The following MAGED1 variants were observed in gnomAD, a reference collection of about 807,000 sequenced individuals.
MAGED1 encodes melanoma-associated antigen D1.
A neutral mutation model predicts 54.1 loss-of-function variants in MAGED1; 3 were observed. The observed-to-expected ratio is 0.06, with a 90% CI of 0.03 to 0.14. MAGED1 has a LOEUF of 0.14. Among genes scored for constraint, MAGED1 ranks in the 10% least tolerant of loss-of-function variants. MAGED1 has a pLI of 1.00. For synonymous variants in MAGED1, 217 were observed against 227.3 expected, an observed-to-expected ratio of 0.95 and a Z score of 0.41; for missense variants, 485 against 623.4, an observed-to-expected ratio of 0.78 and a Z score of 2.36.
chrX:51,881,677 A>G (rs1928062383), intron 1 of MAGED1, among the ~76,000 whole-genome samples: 1 of 110,574 alleles, frequency 9.0e-6, no homozygotes, highest in Non-Finnish European at 1.9e-5. Context: ...TCAGCCTCCC[A>G]AAGTGCTGGG....
At chrX:51,822,415 C>A (rs1202097187) in intron 1 of MAGED1, among the ~76,000 whole-genome samples, 3 of 110,333 alleles carry the variant, frequency 2.7e-5, no homozygotes, top group Non-Finnish European at 3.8e-5. Context: ...GTCTTCTATC[C>A]TTTTTCTTGT....
chrX:51,897,406 C>T lies in MAGED1; in HGVS notation c.1486+135C>T, dbSNP rs1204424691. 4 of 725,290 alleles carry T rather than the reference C, an allele frequency of 5.5e-6. No homozygotes were observed. The Admixed American group carries it at 1.0e-4, about 19-fold the overall frequency. The allele number at this position is 725,290 out of a possible 1,213,427, so 59.8% of individuals were successfully genotyped here. On this transcript the variant is annotated intron_variant, in intron 5 of 12. Coordinates refer to ENST00000326587, the MANE Select transcript of MAGED1 (RefSeq NM_006986.4). ...GCATTCTTCTGCTTGTATGACCCTT[C>T]CCCTTCTATCCCCTCCTTTCCATGG...
At chrX:51,853,843 T>A (rs1557359977) in intron 1 of MAGED1, among the ~76,000 whole-genome samples, 2 of 112,402 alleles carry the variant, frequency 1.8e-5, no homozygotes, top group African/African-American at 6.5e-5. Context: ...TTCTTTGAGA[T>A]TAGATTTAGG....
intron 1 of MAGED1, among the ~76,000 whole-genome samples, chrX:51,842,168 G>A (rs1926517992): frequency 8.9e-6 from 1 of 112,001 alleles, no homozygotes; most frequent in Non-Finnish European, 1.9e-5. Flanking sequence ...ATTCATGGAG[G>A]AGCAAATAAA....
At chrX:51,866,280 ACTT>A (rs2146990953) in intron 1 of MAGED1, among the ~76,000 whole-genome samples, 1 of 111,852 alleles carries the variant, frequency 8.9e-6, no homozygotes, top group East Asian at 2.8e-4. Flanking sequence ...ATGAATGATC[ACTT>A]TGTGGGCCTT....
At chrX:51,824,557 T>C (rs781814144) in intron 1 of MAGED1, among the ~76,000 whole-genome samples, 95 of 110,321 alleles carry the variant, frequency 8.6e-4, no homozygotes, top group African/African-American at 3.0e-3. Context: ...TATGTAAACA[T>C]TTTTTCATCA....
chrX:51,839,124 C>T (rs895126657), intron 1 of MAGED1, among the ~76,000 whole-genome samples: 9 of 111,704 alleles, frequency 8.1e-5, no homozygotes, highest in African/African-American at 2.9e-4. Flanking sequence ...TATGGCCATT[C>T]CTCTGCCAGA....
chrX:51,898,498 T>C (rs1928865035), intron 9 of MAGED1, 83 bp from the exon 10 acceptor site: 2 of 1,005,367 alleles, frequency 2.0e-6, no homozygotes, highest in East Asian at 6.2e-5. Flanking sequence ...TCTGCCTCTT[T>C]TCTCATCTCT....
intron 1 of MAGED1, among the ~76,000 whole-genome samples, chrX:51,823,991 T>C (rs1925737558): frequency 8.9e-6 from 1 of 112,035 alleles, no homozygotes; most frequent in Non-Finnish European, 1.9e-5. Context: ...TTTATAATTA[T>C]TGTGGTAGTC....
At chrX:51,888,359 A>C (rs1485158512) in intron 1 of MAGED1, among the ~76,000 whole-genome samples, 1 of 112,060 alleles carries the variant, frequency 8.9e-6, no homozygotes, top group African/African-American at 3.2e-5. Context: ...TATGGATGGC[A>C]GAAAAGCACA....
intron 1 of MAGED1, among the ~76,000 whole-genome samples, chrX:51,833,437 A>G (rs1335991433): frequency 9.0e-6 from 1 of 111,346 alleles, no homozygotes; most frequent in East Asian, 2.8e-4. Context: ...TTTTTTTTAC[A>G]TTAAGTACTA....
At position 51,876,760 on chromosome X, in the gene MAGED1, T is replaced by TTTTTCTTTTC. The variant is rs201706791; in HGVS notation, c.-36-17489_-36-17480dup. On this transcript the variant is annotated intron_variant, in intron 1 of 12. Transcript: ENST00000375772. ...TTAGAATGTGGAGGCACTGGGTACC[T>TTTTTCTTTTC]TTTTCTTTTCTTTTCTTTTCTTTTC... Among the ~76,000 whole-genome samples, 197 of 110,855 alleles carry TTTTTCTTTTC rather than the reference T, an allele frequency of 1.8e-3. 1 individual carries two copies. The highest frequency in any genetic ancestry group is 6.1e-3 in the African/African-American group (185 of 30,462).
At chrX:51,828,557 A>T (rs1455501759) in intron 1 of MAGED1, among the ~76,000 whole-genome samples, 1 of 110,585 alleles carries the variant, frequency 9.0e-6, no homozygotes, top group African/African-American at 3.3e-5. Flanking sequence ...AACAAATCAT[A>T]AGTGCTAGAT....
intron 2 of MAGED1, chrX:51,894,784 C>T: frequency 8.7e-7 from 1 of 1,144,445 alleles, no homozygotes; most frequent in African/African-American, 1.8e-5. Flanking sequence ...CTTGGAGCGT[C>T]CCCGGCTCCT....
chrX:51,866,001 C>T (rs1557361072), intron 1 of MAGED1, among the ~76,000 whole-genome samples: 41 of 112,114 alleles, frequency 3.7e-4, no homozygotes. Context: ...CCTCCCCAGC[C>T]AAGCTTCCTA....
chrX:51,871,073 C>T (rs1557361495), intron 1 of MAGED1, among the ~76,000 whole-genome samples: 1 of 112,147 alleles, frequency 8.9e-6, no homozygotes, highest in Non-Finnish European at 1.9e-5. Flanking sequence ...ACAACAGGAG[C>T]CCAGACTGCA....
chrX:51,845,837 G>A (rs1250143493), intron 1 of MAGED1, among the ~76,000 whole-genome samples: 1 of 111,420 alleles, frequency 9.0e-6, no homozygotes, highest in Non-Finnish European at 1.9e-5. Flanking sequence ...GTGCAGTGGC[G>A]TGACCATGGC....
intron 3 of MAGED1, 83 bp downstream of exon 3, chrX:51,895,843 T>C: frequency 4.2e-6 from 3 of 722,055 alleles, no homozygotes; most frequent in East Asian, 3.5e-5. Context: ...AACAAAACAA[T>C]GTATGTAACT....
intron 1 of MAGED1, among the ~76,000 whole-genome samples, chrX:51,862,621 C>A (rs918025786): frequency 9.0e-6 from 1 of 111,167 alleles, no homozygotes; most frequent in Admixed American, 9.6e-5. Context: ...CCTAGTTGTA[C>A]GAGAAAAGGG....
Sources: allele counts gnomAD v4.1 joint callset (sites outside exome capture counted in the v4.1 genomes callset), GRCh38; gene constraint gnomAD v4.1.1; transcripts MANE v1.5; gene names NCBI Gene and HGNC (gene_info 2026-07-23, HGNC 2026-07-21).